KCNAB2: variants seen among roughly 807,000 people sequenced by gnomAD.
The protein encoded by KCNAB2 is voltage-gated potassium channel subunit beta-2.
KCNAB2 carries 29 observed loss-of-function variants against 63.6 expected under a neutral mutation model. That is an observed-to-expected ratio of 0.46 (90% CI 0.34 to 0.62). The LOEUF (loss-of-function observed/expected upper bound fraction) is 0.62, where lower values mean the gene tolerates loss of function less well. KCNAB2 is among the 20% of genes least tolerant of loss of function. The pLI, the probability that KCNAB2 is intolerant of heterozygous loss-of-function variation, is 0.01. For synonymous variants in KCNAB2, 222 were observed against 224.2 expected (o/e 0.99, Z 0.09); for missense variants, 359 against 563.9 (o/e 0.64, Z 3.68).
intron 9 of KCNAB2, among the ~76,000 whole-genome samples, chr1:6,090,880 T>C (rs1038276297): frequency 6.6e-6 from 1 of 152,214 alleles, no homozygotes; most frequent in Non-Finnish European, 1.5e-5. Flanking sequence ...GGGGACTTTT[T>C]TGCTCTGGGG....
At position 6,095,538 on chromosome 1, in the gene KCNAB2, G is replaced by A. The variant is rs749574098; in HGVS notation, c.862G>A (p.Ala288Thr). ...PELFHKIGVGAMTWSPLACGI... is the reference protein window; with the variant it reads ...PELFHKIGVGTMTWSPLACGI... ...CTGCTTTTCCTCTTCAGGAGTGGGC[G>A]CCATGACCTGGTCCCCTCTGGCCTG... Residue 288 changes from alanine (A) to threonine (T), a missense_variant, in exon 13 of 16, where the codon GCC (alanine) becomes ACC (threonine). Physicochemically the swap from Ala to Thr is moderately conservative, Grantham distance 58 (BLOSUM62 0). Coordinates refer to ENST00000378083, the MANE Select transcript of KCNAB2 (RefSeq NM_001199862.2). The A allele has an allele frequency of 6.8e-6, 11 of 1,612,934 alleles. No individual in the cohort carries two copies. The highest frequency in any genetic ancestry group is 3.3e-5 in the South Asian group (3 of 91,066).
intron 1 of KCNAB2, among the ~76,000 whole-genome samples, chr1:6,010,249 A>G (rs888142961): frequency 6.6e-6 from 1 of 152,086 alleles, no homozygotes; most frequent in Non-Finnish European, 1.5e-5. Context: ...CTTATTTTAA[A>G]CTGAAACTTG....
upstream of KCNAB2, among the ~76,000 whole-genome samples, chr1:6,045,751 G>A (rs1246454303): frequency 2.0e-5 from 3 of 152,282 alleles, no homozygotes; most frequent in South Asian, 6.2e-4. The surrounding 1 kb of genome is among the most constrained non-coding windows in gnomAD (Gnocchi z 4.8). Flanking sequence ...AAAGAGCAAG[G>A]CCTGCCCCTT....
In KCNAB2 at chr1:6,099,878, C is replaced by T. The variant is rs573950428; in HGVS notation, c.*1304C>T. 9.7e-6 allele frequency: 15 copies of T among 1,550,000 alleles called. No homozygotes were observed. Among genetic ancestry groups the T allele is most frequent in the South Asian group, 2.4e-5 (2 of 84,010 alleles). On this transcript the variant is annotated 3_prime_UTR_variant, in exon 16 of 16. Coordinates refer to ENST00000378083, the MANE Select transcript of KCNAB2 (RefSeq NM_001199862.2). ...AGTGACGCCCCCGTGCAGCTTGGGC[C>T]GGAGGGCAAGGGATGCCAGTAAGTC...
At chr1:6,098,419 ACCT>A in intron 15 of KCNAB2, 63 bp from the exon 16 acceptor site, 1 of 1,598,004 alleles carries the variant, frequency 6.3e-7, no homozygotes, top group Non-Finnish European at 8.5e-7. Flanking sequence ...GCCTGGCCCC[ACCT>A]CCTCCCCAGG....
intron 1 of KCNAB2, among the ~76,000 whole-genome samples, chr1:6,017,410 G>C (rs1046958961): frequency 3.3e-4 from 21 of 62,876 alleles, no homozygotes; most frequent in Admixed American, 5.3e-4. Flanking sequence ...ACCTGGCTGT[G>C]TGTGTGTGTG....
upstream of KCNAB2, among the ~76,000 whole-genome samples, chr1:6,044,332 T>G (rs1433605285): frequency 6.6e-6 from 1 of 152,058 alleles, no homozygotes; most frequent in African/African-American, 2.4e-5. Context: ...AAAGAGCATT[T>G]GGGGTCCAAG....
chr1:5,997,943 T>C (rs1657029457), intron 1 of KCNAB2, among the ~76,000 whole-genome samples: 1 of 152,226 alleles, frequency 6.6e-6, no homozygotes, highest in African/African-American at 2.4e-5. Context: ...CTCCCTCCTC[T>C]AGGGCTGAGA....
chr1:6,083,650 G>A, intron 5 of KCNAB2, among the ~76,000 whole-genome samples: 1 of 152,216 alleles, frequency 6.6e-6, no homozygotes, highest in Non-Finnish European at 1.5e-5. Flanking sequence ...TGAGCCCCCG[G>A]TGGACGCCCA....
intron 2 of KCNAB2, among the ~76,000 whole-genome samples, chr1:6,057,803 A>G (rs1183326554): frequency 6.6e-6 from 1 of 151,458 alleles, no homozygotes; most frequent in Admixed American, 6.6e-5. Context: ...CTGCCGTCCC[A>G]TGGCCATTTT....
At chr1:6,046,797 C>A (rs896766511) in intron 1 of KCNAB2, among the ~76,000 whole-genome samples, 1 of 152,190 alleles carries the variant, frequency 6.6e-6, no homozygotes, top group Non-Finnish European at 1.5e-5. Flanking sequence ...ACAGGTGTCA[C>A]CATTCAGAAG....
At position 6,086,929 on chromosome 1, in the gene KCNAB2, G is replaced by A. The variant is rs367609495; in HGVS notation, c.426-538G>A. ...CCCCTCAAGTTACCCCGACCAGGCC[G>A]TCCCACACAGATTTTCTGCAACACG... On this transcript the variant is annotated intron_variant, in intron 6 of 15. Coordinates refer to ENST00000378083, the MANE Select transcript of KCNAB2 (RefSeq NM_001199862.2). The surrounding 1 kb of genome is among the most constrained non-coding windows in gnomAD (Gnocchi z 4.2). Among the ~76,000 whole-genome samples the A allele has an allele frequency of 1.3e-4, 19 of 151,112 alleles. No homozygotes were observed. The highest frequency in any genetic ancestry group is 1.0e-3 in the South Asian group (5 of 4,766).
intron 9 of KCNAB2, among the ~76,000 whole-genome samples, chr1:6,090,811 G>A (rs1192862841): frequency 2.0e-5 from 3 of 152,176 alleles, no homozygotes; most frequent in Admixed American, 6.5e-5. Flanking sequence ...AAGTGAAGTC[G>A]CAGTGTGGGG....
rs1663898595 is a variant in KCNAB2, at chr1:6,078,550, C to T, written c.301-3645C>T. On this transcript the variant is annotated intron_variant, in intron 4 of 15. Transcript: ENST00000378083. The surrounding 1 kb of genome is among the most constrained non-coding windows in gnomAD (Gnocchi z 4.2). ...TCGGGGGCCAAGGGGACAACCAAGG[C>T]ACAGCCCTAAGGCCGAGTGTTGGGG... is the stretch of plus-strand genomic sequence containing the variant. Among the ~76,000 whole-genome samples the T allele has an allele frequency of 6.6e-6, 1 of 152,100 alleles. No individual in the cohort carries two copies. The highest frequency in any genetic ancestry group is 6.5e-5 in the Admixed American group (1 of 15,274).
intron 1 of KCNAB2, among the ~76,000 whole-genome samples, chr1:6,009,713 G>C (rs1202054997): frequency 6.6e-6 from 1 of 152,204 alleles, no homozygotes; most frequent in Admixed American, 6.5e-5. Flanking sequence ...GGATGAGGCA[G>C]TGGGGCCCTG....
chr1:6,079,414 G>C (rs1664003268), intron 4 of KCNAB2, among the ~76,000 whole-genome samples: 1 of 152,090 alleles, frequency 6.6e-6, no homozygotes, highest in Non-Finnish European at 1.5e-5. Context: ...AGCTACTCAG[G>C]AGACTGAAGC....
At chr1:6,094,022 G>A (rs1278039573) in intron 10 of KCNAB2, among the ~76,000 whole-genome samples, 2 of 152,084 alleles carry the variant, frequency 1.3e-5, no homozygotes, top group African/African-American at 4.8e-5. Context: ...CTGAGTGATC[G>A]GGGCCCTCGA....
chr1:6,052,265 A>C (rs1044637670), intron 2 of KCNAB2, among the ~76,000 whole-genome samples: 3 of 152,144 alleles, frequency 2.0e-5, no homozygotes, highest in Non-Finnish European at 4.4e-5. Context: ...CTACCCCAAA[A>C]TACAAAGAAA....
At chr1:6,055,288 T>C (rs1018862107) in intron 2 of KCNAB2, among the ~76,000 whole-genome samples, 1 of 151,810 alleles carries the variant, frequency 6.6e-6, no homozygotes, top group Non-Finnish European at 1.5e-5. Flanking sequence ...CAGGTCCCAC[T>C]GTGGGGCTGA....
Sources: gnomAD v4.1 joint callset for allele counts (sites outside exome capture counted in the v4.1 genomes callset) on GRCh38, gnomAD v4.1.1 for gene constraint, Gnocchi (gnomAD v3.1) non-coding constraint, MANE v1.5 for transcripts, NCBI Gene and HGNC (gene_info 2026-07-23, HGNC 2026-07-21) for gene names.